ANO2: variants seen among roughly 807,000 people sequenced by gnomAD.
ANO2 encodes the protein anoctamin 2.
A neutral mutation model predicts 124.2 loss-of-function variants in ANO2; 101 were observed. That is an observed-to-expected ratio of 0.81 (90% CI 0.69 to 0.96). ANO2 has a LOEUF of 0.96. Among genes scored for constraint, ANO2 ranks in the 40% least tolerant of loss-of-function variants. The pLI is 0.00. For synonymous variants in ANO2, 486 were observed against 482.5 expected, an observed-to-expected ratio of 1.01 and a Z score of -0.09; for missense variants, 1,293 against 1,274.5, an observed-to-expected ratio of 1.01 and a Z score of -0.22.
intron 16 of ANO2, among the ~76,000 whole-genome samples, chr12:5,616,156 T>C (rs886860179): frequency 6.6e-6 from 1 of 152,156 alleles, no homozygotes; most frequent in African/African-American, 2.4e-5. Context: ...GACAGGGTGA[T>C]CTTAGTCCAT....
chr12:5,860,135 A>G (rs74059027), intron 3 of ANO2, among the ~76,000 whole-genome samples: 2,631 of 152,098 alleles, frequency 0.017, 68 homozygotes, highest in African/African-American at 0.056. Flanking sequence ...TCCTACGCTC[A>G]AGCCTCCTCA....
rs577783913 is a variant in ANO2 at position 5,916,832 on chromosome 12, C to A, written c.534+4208G>T. 2.6e-5 allele frequency among the ~76,000 whole-genome samples: 4 copies of A among 151,980 alleles called. No homozygotes were observed. The South Asian group carries it at 8.3e-4, about 32-fold the overall frequency. On this transcript the variant is annotated intron_variant, in intron 3 of 24. Coordinates refer to ENST00000682330, the MANE Select transcript of ANO2 (RefSeq NM_001364791.2). ...GTCAGGGGGAGATTTAAATAAATAA[C>A]CCAAGTTATTGTGCAGATCAGTGAT... is the stretch of plus-strand genomic sequence containing the variant.
At chr12:5,680,611 G>A (rs1038179129) in intron 14 of ANO2, among the ~76,000 whole-genome samples, 1 of 152,162 alleles carries the variant, frequency 6.6e-6, no homozygotes, top group Non-Finnish European at 1.5e-5. Context: ...ATCAAAAGGG[G>A]GAACAAGCTG....
rs1036945561 is a variant in ANO2 at position 5,834,390 on chromosome 12, C to CTGAA, written c.634-1791_634-1788dup. Among the ~76,000 whole-genome samples the CTGAA allele has an allele frequency of 4.9e-4, 74 of 152,246 alleles. 1 individual carries two copies. The highest frequency in any genetic ancestry group is 1.7e-3 in the African/African-American group (70 of 41,522). ...AATACTTGTCTTCATACTTGGGCAC[C>CTGAA]TGAAATACTCACTAAGATAGGATGA... On this transcript the variant is annotated intron_variant, in intron 4 of 24. Coordinates refer to ENST00000682330, the MANE Select transcript of ANO2 (RefSeq NM_001364791.2).
rs1202511079 is a variant in ANO2 at position 5,578,250 on chromosome 12, CA to C, written c.2386+115del. On this transcript the variant is annotated intron_variant, in intron 21 of 24. Coordinates refer to ENST00000682330, the MANE Select transcript of ANO2 (RefSeq NM_001364791.2). ...CTTCAGGATATGAGGATGAGGGACC[CA>C]AAGGGAAGAGGGGCTTTCCCAGCCC... The C allele has an allele frequency of 4.2e-6, 6 of 1,441,428 alleles. No individual in the cohort carries two copies. In the East Asian group the frequency reaches 1.4e-4, roughly 33 times the overall value. The allele number at this position is 1,441,428 out of a possible 1,614,324, so 89.3% of individuals were successfully genotyped here. A position where few individuals can be genotyped will look rare whatever the true frequency, so the allele number is the denominator to read the frequency against.
intron 3 of ANO2, among the ~76,000 whole-genome samples, chr12:5,866,005 C>T (rs938675831): frequency 6.6e-6 from 1 of 152,228 alleles, no homozygotes; most frequent in African/African-American, 2.4e-5. Flanking sequence ...GAGAGAAACA[C>T]CCCTACTGGA....
chr12:5,768,898 T>C (rs1951983000), intron 10 of ANO2, among the ~76,000 whole-genome samples: 1 of 151,940 alleles, frequency 6.6e-6, no homozygotes, highest in East Asian at 1.9e-4. Context: ...GGGCTCTGAG[T>C]TCTTGATCCT....
intron 14 of ANO2, among the ~76,000 whole-genome samples, chr12:5,729,626 T>C (rs1055569117): frequency 6.6e-6 from 1 of 151,590 alleles, no homozygotes; most frequent in Admixed American, 6.6e-5. Flanking sequence ...AAACATAGAG[T>C]TACCATATGA....
chr12:5,595,845 G>A (rs372535838), intron 20 of ANO2, among the ~76,000 whole-genome samples: 12 of 152,150 alleles, frequency 7.9e-5, no homozygotes, highest in South Asian at 2.1e-4. Context: ...ATGGAGTGGC[G>A]TAGGGGGCTG....
chr12:5,624,983 G>A (rs1039496354), intron 16 of ANO2, among the ~76,000 whole-genome samples: 5 of 152,114 alleles, frequency 3.3e-5, no homozygotes, highest in African/African-American at 1.2e-4. Context: ...AGAGCCCCAA[G>A]GCTGTGCAAG....
chr12:5,819,072 C>A (rs1192182974), intron 7 of ANO2, among the ~76,000 whole-genome samples: 1 of 152,222 alleles, frequency 6.6e-6, no homozygotes, highest in East Asian at 1.9e-4. Flanking sequence ...GGTGCATTCA[C>A]AGCCTCTCCA....
At chr12:5,699,575 C>G (rs1203287933) in intron 14 of ANO2, among the ~76,000 whole-genome samples, 2 of 151,876 alleles carry the variant, frequency 1.3e-5, no homozygotes, top group African/African-American at 4.8e-5. Context: ...ATGACAGGAT[C>G]AAATTCACAC....
chr12:5,584,367 T>A (rs1317964544), intron 20 of ANO2, among the ~76,000 whole-genome samples: 1 of 152,216 alleles, frequency 6.6e-6, no homozygotes, highest in Non-Finnish European at 1.5e-5. Context: ...CCAGCTTCCT[T>A]CTGACATTCA....
chr12:5,600,261 G>A (rs574413338), intron 19 of ANO2, among the ~76,000 whole-genome samples: 1 of 152,222 alleles, frequency 6.6e-6, no homozygotes, highest in East Asian at 1.9e-4. Flanking sequence ...AGAGAGAAAG[G>A]GATATCTCAA....
intron 14 of ANO2, among the ~76,000 whole-genome samples, chr12:5,651,312 A>G (rs1254706733): frequency 6.6e-6 from 1 of 152,254 alleles, no homozygotes; most frequent in Non-Finnish European, 1.5e-5. Context: ...TTGGAAATGA[A>G]ATCACTGAAA....
intron 14 of ANO2, among the ~76,000 whole-genome samples, chr12:5,701,639 A>G (rs1417081790): frequency 6.6e-6 from 1 of 152,218 alleles, no homozygotes; most frequent in African/African-American, 2.4e-5. Flanking sequence ...ATCTCTGGCT[A>G]GTTTAAGACC....
intron 14 of ANO2, among the ~76,000 whole-genome samples, chr12:5,715,220 G>A (rs6489654): frequency 1 from 152,269 of 152,306 alleles, 76,116 homozygotes; most frequent in Non-Finnish European, 1. Flanking sequence ...TACTGAAGGG[G>A]GTTTCATACA....
chr12:5,936,963 T>C (rs994789449), intron 1 of ANO2, among the ~76,000 whole-genome samples: 2 of 152,218 alleles, frequency 1.3e-5, no homozygotes, highest in Non-Finnish European at 2.9e-5. Flanking sequence ...TACCATAAAG[T>C]GACAGGCACT....
intron 22 of ANO2, among the ~76,000 whole-genome samples, chr12:5,577,118 C>G (rs1942457616): frequency 6.6e-6 from 1 of 152,226 alleles, no homozygotes. Flanking sequence ...GATCTGTTTT[C>G]CAACTTGCAC....
Sources: gnomAD v4.1 joint callset for allele counts (sites outside exome capture counted in the v4.1 genomes callset) on GRCh38, gnomAD v4.1.1 for gene constraint, MANE v1.5 for transcripts, NCBI Gene and HGNC (gene_info 2026-07-23, HGNC 2026-07-21) for gene names.